The following ABAT variants were observed in gnomAD, a reference collection of about 807,000 sequenced individuals.
ABAT encodes 4-aminobutyrate aminotransferase, mitochondrial.
ABAT carries 45 observed loss-of-function variants against 64.6 expected under a neutral mutation model. The ratio of observed to expected loss-of-function variants is 0.70; its 90% confidence interval spans 0.55 to 0.89. The LOEUF is 0.89. Ranked by LOEUF, ABAT falls within the 40% of genes least tolerant of loss-of-function variation. ABAT has a pLI of 0.00. For missense variants in ABAT, 633 were observed against 658.4 expected (o/e 0.96, Z 0.42); for synonymous variants, 297 against 250.5 (o/e 1.19, Z -1.75).
chr16:8,708,784 G>T (rs1194382649), intron 1 of ABAT, among the ~76,000 whole-genome samples: 1 of 152,170 alleles, frequency 6.6e-6, no homozygotes, highest in Non-Finnish European at 1.5e-5. Context: ...AATAGCTCCG[G>T]GATCTTGGGC....
chr16:8,742,254 G>C (rs1279232149), intron 2 of ABAT, among the ~76,000 whole-genome samples: 5 of 152,066 alleles, frequency 3.3e-5, no homozygotes, highest in African/African-American at 1.2e-4. Context: ...TTTCTCTCTG[G>C]ATCCATTCAG....
chr16:8,776,945 C>A lies in ABAT; in HGVS notation c.1269+455C>A, dbSNP rs2060282357. 6.6e-6 allele frequency among the ~76,000 whole-genome samples: 1 copy of A among 152,118 alleles called. No individual in the cohort carries two copies. The highest frequency in any genetic ancestry group is 1.5e-5 in the Non-Finnish European group (1 of 68,016). On this transcript the variant is annotated intron_variant, in intron 14 of 15. Coordinates refer to ENST00000268251, the MANE Select transcript of ABAT (RefSeq NM_020686.6). This position sits in a 1 kb window ranked among gnomAD's most constrained non-coding sequence, Gnocchi z 4.4. Reference sequence around the variant, plus strand: ...GACCAAGTCTTGCTTTGTACCCAGGCTGGAGTGCAGTGGCGCAATCTCAGC... The same window carrying A: ...GACCAAGTCTTGCTTTGTACCCAGGATGGAGTGCAGTGGCGCAATCTCAGC...
intron 1 of ABAT, among the ~76,000 whole-genome samples, chr16:8,696,708 G>A (rs2057711059): frequency 6.6e-6 from 1 of 152,160 alleles, no homozygotes; most frequent in Admixed American, 6.5e-5. Context: ...TATAGATGCT[G>A]ATAGGCCCAT....
chr16:8,783,158 C>G lies in ABAT; in HGVS notation c.*1728C>G, dbSNP rs888186309. 3.3e-5 allele frequency: 5 copies of G among 152,166 alleles called. No homozygotes were observed. Among genetic ancestry groups the G allele is most frequent in the Non-Finnish European group, 1.5e-5 (1 of 68,042 alleles). The allele number at this position is 152,166 out of a possible 1,614,324, so 9.4% of individuals were successfully genotyped here. On this transcript the variant is annotated 3_prime_UTR_variant, in exon 16 of 16. Coordinates refer to ENST00000268251, the MANE Select transcript of ABAT (RefSeq NM_020686.6). ...GGTGATGTATGCCTCCCACTCTCTG[C>G]AAGGTTTTCCTCATTTTTATATTCA...
chr16:8,745,798 T>G (rs75261306), intron 2 of ABAT, among the ~76,000 whole-genome samples: 6,296 of 152,324 alleles, frequency 0.041, 187 homozygotes, highest in Middle Eastern at 0.14. Context: ...TTGCTGACAC[T>G]GGGTTTTCCC....
chr16:8,775,564 T>G (rs1034169603), intron 13 of ABAT, among the ~76,000 whole-genome samples: 1 of 13,896 alleles, frequency 7.2e-5, no homozygotes, highest in Non-Finnish European at 3.2e-4. Flanking sequence ...GCATACAGAT[T>G]TACACACACA....
At chr16:8,743,285 G>A (rs867536451) in intron 2 of ABAT, among the ~76,000 whole-genome samples, 7 of 143,984 alleles carry the variant, frequency 4.9e-5, no homozygotes, top group Non-Finnish European at 3.0e-5. Context: ...TCATAGCTTT[G>A]TATAGTTCGA....
intron 2 of ABAT, among the ~76,000 whole-genome samples, chr16:8,742,406 T>C (rs982740305): frequency 2.0e-5 from 3 of 152,178 alleles, no homozygotes; most frequent in Non-Finnish European, 4.4e-5. Flanking sequence ...TAAGAACAGC[T>C]TGCTAATTTC....
chr16:8,737,105 G>T (rs969352311), intron 2 of ABAT: 2 of 152,326 alleles, frequency 1.3e-5, no homozygotes, highest in Non-Finnish European at 2.9e-5. Flanking sequence ...CATGTTGAAT[G>T]CTGGTGTGTA....
rs934507265 is a variant in ABAT, at chr16:8,764,211, G to A, written c.447+62G>A. The A allele has an allele frequency of 2.2e-6, 3 of 1,349,090 alleles. No homozygotes were observed. The Admixed American group carries it at 5.0e-5, about 23-fold the overall frequency. The allele number at this position is 1,349,090 out of a possible 1,614,324, so 83.6% of individuals were successfully genotyped here. A position where few individuals can be genotyped will look rare whatever the true frequency, so the allele number is the denominator to read the frequency against. On this transcript the variant is annotated intron_variant, in intron 7 of 15. Coordinates refer to ENST00000268251, the MANE Select transcript of ABAT (RefSeq NM_020686.6). The surrounding 1 kb of genome is among the most constrained non-coding windows in gnomAD (Gnocchi z 4.2). ...GTGGTACTGGCAGGGGAAGGGAAAA[G>A]TGGAGACGCCAACAATGAAGAATAA...
chr16:8,738,193 T>C (rs1170076850), intron 2 of ABAT, among the ~76,000 whole-genome samples: 3 of 151,582 alleles, frequency 2.0e-5, no homozygotes, highest in African/African-American at 7.3e-5. Flanking sequence ...TGGTGACATG[T>C]GCTTGTAGTC....
chr16:8,687,475 G>A (rs532590987), intron 1 of ABAT, among the ~76,000 whole-genome samples: 25 of 142,284 alleles, frequency 1.8e-4, no homozygotes, highest in African/African-American at 3.4e-4. Context: ...GCAATGAGCC[G>A]AGATCGCGCC....
In ABAT at chr16:8,764,257, T is replaced by C; in HGVS notation, c.447+108T>C. On this transcript the variant is annotated intron_variant, in intron 7 of 15. Coordinates refer to ENST00000268251, the MANE Select transcript of ABAT (RefSeq NM_020686.6). This position sits in a 1 kb window ranked among gnomAD's most constrained non-coding sequence, Gnocchi z 4.2. ...AATAAGGTGTTGCTACAGAAATCTT[T>C]CTCTCTGAGCTTATTCTTCCATGCA... 2.1e-6 allele frequency: 2 copies of C among 974,426 alleles called. No homozygotes were observed. The highest frequency in any genetic ancestry group is 2.5e-5 in the East Asian group (1 of 40,562). The allele number at this position is 974,426 out of a possible 1,614,324, so 60.4% of individuals were successfully genotyped here. A position where few individuals can be genotyped will look rare whatever the true frequency, so the allele number is the denominator to read the frequency against.
At chr16:8,757,890 C>T (rs796917454) in intron 6 of ABAT, 84 bp downstream of exon 6, 23 of 1,414,796 alleles carry the variant, frequency 1.6e-5, no homozygotes, top group Admixed American at 6.9e-5. Context: ...GGCAATAGTC[C>T]TTTCATTCAT....
intron 13 of ABAT, among the ~76,000 whole-genome samples, chr16:8,775,514 G>A (rs1343737803): frequency 5.3e-5 from 8 of 152,006 alleles, no homozygotes; most frequent in African/African-American, 1.7e-4. Context: ...CCAACCCAGA[G>A]CCCATACTCT....
chr16:8,765,379 C>T (rs187245541), intron 8 of ABAT, among the ~76,000 whole-genome samples: 1 of 150,964 alleles, frequency 6.6e-6, no homozygotes, highest in African/African-American at 2.4e-5. Context: ...AATTCCCCTC[C>T]AAGGTTGGGC....
chr16:8,731,892 C>T (rs943351814), intron 1 of ABAT, among the ~76,000 whole-genome samples: 9 of 152,142 alleles, frequency 5.9e-5, no homozygotes, highest in South Asian at 2.1e-4. Context: ...CTCGCCCTGT[C>T]GCCCAGGCTG....
intron 1 of ABAT, among the ~76,000 whole-genome samples, chr16:8,707,834 T>C (rs929106248): frequency 1.3e-5 from 2 of 152,108 alleles, no homozygotes; most frequent in African/African-American, 4.8e-5. Flanking sequence ...CCTCCCAAAG[T>C]GCTGAGATTA....
At chr16:8,745,691 C>CT (rs2059308169) in intron 2 of ABAT, among the ~76,000 whole-genome samples, 1 of 151,812 alleles carries the variant, frequency 6.6e-6, no homozygotes, top group Admixed American at 6.6e-5. Flanking sequence ...GAGCAAGACT[C>CT]TGTCTCAAAA....
Sources: allele counts gnomAD v4.1 joint callset (sites outside exome capture counted in the v4.1 genomes callset), GRCh38; gene constraint gnomAD v4.1.1; non-coding constraint Gnocchi (gnomAD v3.1); transcripts MANE v1.5; gene names NCBI Gene and HGNC (gene_info 2026-07-23, HGNC 2026-07-21).